Variants in C1orf21 observed in about 807,000 individuals in gnomAD.
C1orf21 encodes the protein uncharacterized protein C1orf21.
In C1orf21, 3 loss-of-function variants were observed where a neutral mutation model predicts 18.7. The observed-to-expected ratio is 0.16, with a 90% CI of 0.07 to 0.42. The LOEUF is 0.42. Among genes scored for constraint, C1orf21 ranks in the 10% least tolerant of loss-of-function variants. C1orf21 has a pLI of 0.99. For missense variants in C1orf21, 104 were observed against 143.6 expected, an observed-to-expected ratio of 0.72 and a Z score of 1.41; for synonymous variants, 41 against 46.4, an observed-to-expected ratio of 0.88 and a Z score of 0.47.
At chr1:184,582,112 C>G (rs777191985) in intron 3 of C1orf21, among the ~76,000 whole-genome samples, 17 of 152,158 alleles carry the variant, frequency 1.1e-4, no homozygotes, top group Admixed American at 3.9e-4. Context: ...GGTGGCTTCT[C>G]TGATCACCAT....
chr1:184,502,109 A>G (rs1443348033), intron 2 of C1orf21, among the ~76,000 whole-genome samples: 1 of 152,204 alleles, frequency 6.6e-6, no homozygotes, highest in African/African-American at 2.4e-5. Context: ...GTCTTACACC[A>G]CTGTGTTAGT....
At chr1:184,481,531 T>A (rs1208167599) in intron 2 of C1orf21, among the ~76,000 whole-genome samples, 2 of 152,148 alleles carry the variant, frequency 1.3e-5, no homozygotes, top group Non-Finnish European at 2.9e-5. Context: ...AGCAAGGGTA[T>A]AGGTGCAGGG....
intron 2 of C1orf21, among the ~76,000 whole-genome samples, chr1:184,485,946 C>A (rs965581463): frequency 1.8e-4 from 28 of 152,092 alleles, no homozygotes; most frequent in African/African-American, 6.8e-4. Flanking sequence ...TTGTGATAGG[C>A]CAGATTATAG....
In C1orf21 at chr1:184,389,183, C is replaced by T. The variant is rs577295978; in HGVS notation, c.-125+1815C>T. 2.0e-5 allele frequency among the ~76,000 whole-genome samples: 3 copies of T among 151,668 alleles called. No homozygotes were observed. In the South Asian group the frequency reaches 6.3e-4, roughly 32 times the overall value. ...TGCAAACCTGCTTCAGAGAACAGTC[C>T]TGGAGGCTTCTAAAAAGGGCAACAA... On this transcript the variant is annotated intron_variant, in intron 1 of 5. Transcript: ENST00000235307.
At chr1:184,426,899 G>A (rs1228315258) in intron 1 of C1orf21, among the ~76,000 whole-genome samples, 1 of 152,086 alleles carries the variant, frequency 6.6e-6, no homozygotes, top group Non-Finnish European at 1.5e-5. Context: ...TTCAACCTAC[G>A]TTTATTGAGA....
chr1:184,443,275 T>C (rs1351236526), intron 1 of C1orf21, among the ~76,000 whole-genome samples: 3 of 152,208 alleles, frequency 2.0e-5, no homozygotes, highest in African/African-American at 7.2e-5. Flanking sequence ...ATTATTAACA[T>C]GTAATGTAAG....
At chr1:184,606,892 A>G (rs1275580893) in intron 5 of C1orf21, among the ~76,000 whole-genome samples, 11 of 152,192 alleles carry the variant, frequency 7.2e-5, no homozygotes, top group Admixed American at 2.6e-4. Flanking sequence ...ATCTCCCACT[A>G]AACAGCACCC....
chr1:184,485,839 G>A (rs537143441), intron 2 of C1orf21, among the ~76,000 whole-genome samples: 11 of 152,170 alleles, frequency 7.2e-5, no homozygotes, highest in Admixed American at 4.6e-4. Flanking sequence ...GTTATTTCCC[G>A]AAGGTGAGAG....
intron 3 of C1orf21, chr1:184,567,071 C>T: frequency 4.1e-6 from 2 of 491,582 alleles, no homozygotes; most frequent in South Asian, 1.5e-5. Flanking sequence ...GAAAAACATC[C>T]TTGAGAAAGA....
chr1:184,535,204 A>G (rs1658533327), intron 3 of C1orf21, among the ~76,000 whole-genome samples: 1 of 152,152 alleles, frequency 6.6e-6, no homozygotes, highest in Non-Finnish European at 1.5e-5. Flanking sequence ...TTCTGCTAGT[A>G]GTAAGAATGA....
chr1:184,459,702 T>C (rs1657272297), intron 1 of C1orf21, among the ~76,000 whole-genome samples: 1 of 152,142 alleles, frequency 6.6e-6, no homozygotes, highest in Non-Finnish European at 1.5e-5. Flanking sequence ...TTGTCACTCA[T>C]GGTCTAGTTG....
rs114505666 is a variant in C1orf21 at position 184,522,077 on chromosome 1, A to T, written c.189+14395A>T. Among the ~76,000 whole-genome samples, 340 of 152,312 alleles carry T rather than the reference A, an allele frequency of 2.2e-3. 3 individuals carry two copies. The highest frequency in any genetic ancestry group is 7.8e-3 in the African/African-American group (323 of 41,574). ...TTTCTCACTGTTGGAGTGGGAGGTT[A>T]CAGATATTTAACAGGGGATGGCTAG... On this transcript the variant is annotated intron_variant, in intron 3 of 5. Coordinates refer to ENST00000235307, the MANE Select transcript of C1orf21 (RefSeq NM_030806.4).
chr1:184,462,931 A>C (rs1301922319), intron 1 of C1orf21, among the ~76,000 whole-genome samples: 2 of 151,786 alleles, frequency 1.3e-5, no homozygotes, highest in African/African-American at 2.4e-5. Flanking sequence ...AAAATACAAA[A>C]AGTAGCTCAG....
chr1:184,500,833 G>C (rs1248899566), intron 2 of C1orf21, among the ~76,000 whole-genome samples: 2 of 152,112 alleles, frequency 1.3e-5, no homozygotes, highest in African/African-American at 2.4e-5. Context: ...TCAGGTGAAG[G>C]CATGTCTGTT....
chr1:184,455,589 A>T (rs1388712357), intron 1 of C1orf21, among the ~76,000 whole-genome samples: 1 of 152,180 alleles, frequency 6.6e-6, no homozygotes, highest in Non-Finnish European at 1.5e-5. Context: ...GGACAGCGTG[A>T]AAATACTGCC....
intron 2 of C1orf21, among the ~76,000 whole-genome samples, 181 bp from the exon 3 acceptor site, chr1:184,507,407 G>A (rs1418662558): frequency 6.6e-6 from 1 of 152,110 alleles, no homozygotes; most frequent in African/African-American, 2.4e-5. Context: ...ACAGAGGAGA[G>A]GGGCTCATAA....
chr1:184,622,183 A>G lies in C1orf21; in HGVS notation c.*2627A>G, dbSNP rs1327337062. 4 of 152,188 alleles carry G rather than the reference A, an allele frequency of 2.6e-5. No homozygotes were observed. The highest frequency in any genetic ancestry group is 6.5e-5 in the Admixed American group (1 of 15,274). 9.4% of individuals were successfully genotyped at this position (152,188 alleles called of 1,614,324 possible). On this transcript the variant is annotated 3_prime_UTR_variant, in exon 6 of 6. Coordinates refer to ENST00000235307, the MANE Select transcript of C1orf21 (RefSeq NM_030806.4). ...AATGTACGTGCTGGTGCACTCTGCTAGTTGTTATCTCTGTAGGGCTCAGGA... is the reference window on the plus strand; with the variant it reads ...AATGTACGTGCTGGTGCACTCTGCTGGTTGTTATCTCTGTAGGGCTCAGGA...
At chr1:184,610,321 C>T (rs930770442) in intron 5 of C1orf21, among the ~76,000 whole-genome samples, 4 of 152,186 alleles carry the variant, frequency 2.6e-5, no homozygotes, top group Non-Finnish European at 4.4e-5. Flanking sequence ...AGAGTTGAAG[C>T]GCAGTGAGAC....
chr1:184,571,419 G>GT, intron 3 of C1orf21, among the ~76,000 whole-genome samples: 1 of 152,062 alleles, frequency 6.6e-6, no homozygotes, highest in Non-Finnish European at 1.5e-5. Context: ...ATGTGACTGT[G>GT]TTTAACAACT....
Sources: allele counts gnomAD v4.1 joint callset (sites outside exome capture counted in the v4.1 genomes callset), GRCh38; gene constraint gnomAD v4.1.1; transcripts MANE v1.5; gene names NCBI Gene and HGNC (gene_info 2026-07-23, HGNC 2026-07-21).